The following FARP2 variants were observed in gnomAD, a reference collection of about 807,000 sequenced individuals.
FARP2 encodes the protein FERM, ARH/RhoGEF and pleckstrin domain protein 2.
Under a neutral mutation model 130.5 loss-of-function variants are expected in FARP2, and 111 were observed. The ratio of observed to expected loss-of-function variants is 0.85; its 90% CI spans 0.73 to 1.00. The LOEUF is 1.00. Among genes scored for constraint, FARP2 ranks in the 50% least tolerant of loss-of-function variants. The pLI is 0.00. For synonymous variants in FARP2, 504 were observed against 516.9 expected (o/e 0.98, Z 0.34); for missense variants, 1,385 against 1,346.3 (o/e 1.03, Z -0.45).
chr2:241,364,492 G>A (rs537812202), intron 1 of FARP2, among the ~76,000 whole-genome samples: 29 of 152,328 alleles, frequency 1.9e-4, no homozygotes, highest in African/African-American at 5.3e-4. Context: ...ATAAAAGGCT[G>A]TTATTTTAAG....
intron 17 of FARP2, chr2:241,465,894 GA>G: frequency 6.9e-7 from 1 of 1,452,978 alleles, no homozygotes; most frequent in Non-Finnish European, 9.1e-7. Context: ...CCCACTTGAA[GA>G]ACTGCATTCA....
chr2:241,478,801 G>T, intron 19 of FARP2: 1 of 405,324 alleles, frequency 2.5e-6, no homozygotes, highest in Non-Finnish European at 4.9e-6. Context: ...TCACACAGGT[G>T]GTGTCCACCA....
chr2:241,469,204 A>G (rs2064248881), intron 18 of FARP2, among the ~76,000 whole-genome samples: 1 of 151,764 alleles, frequency 6.6e-6, no homozygotes, highest in African/African-American at 2.4e-5. Flanking sequence ...CTCCTGCCTC[A>G]GCCTCCCAAG....
chr2:241,404,640 T>C (rs2062283139), intron 3 of FARP2, among the ~76,000 whole-genome samples, 159 bp from the exon 4 acceptor site: 1 of 152,208 alleles, frequency 6.6e-6, no homozygotes, highest in African/African-American at 2.4e-5. Context: ...TCTTGTACAG[T>C]TTGTTTTATC....
chr2:241,436,518 A>G lies in FARP2; in HGVS notation c.1138A>G (p.Thr380Ala), dbSNP rs1200221150. Residue 380 changes from threonine (T) to alanine (A), a missense_variant, in exon 12 of 27, where the codon ACT becomes GCT. By Grantham distance (58) the Thr-to-Ala change is moderately conservative. Transcript: ENST00000264042. ...SKTHTSVRALTADLPKQSISF... is the reference protein window; with the variant it reads ...SKTHTSVRALAADLPKQSISF... ...GACCCACACGTCCGTTCGAGCTCTG[A>G]CTGCAGACCTACCAAAACAGGTTAG... is the stretch of plus-strand genomic sequence containing the variant. The G allele has an allele frequency of 1.2e-6, 2 of 1,614,102 alleles. No individual in the cohort carries two copies. Among genetic ancestry groups the G allele is most frequent in the Non-Finnish European group, 1.7e-6 (2 of 1,180,034 alleles).
chr2:241,392,285 G>C (rs2061925309), intron 2 of FARP2, among the ~76,000 whole-genome samples: 1 of 152,192 alleles, frequency 6.6e-6, no homozygotes, highest in African/African-American at 2.4e-5. Flanking sequence ...TCTCCCCAGA[G>C]CCCTCTACTG....
At position 241,459,281 on chromosome 2, in the gene FARP2, G is replaced by A. The variant is rs150334111; in HGVS notation, c.1587+2359G>A. On this transcript the variant is annotated intron_variant, in intron 14 of 26. Transcript: ENST00000264042. This position sits in a 1 kb window ranked among gnomAD's most constrained non-coding sequence, Gnocchi z 5.3. Reference sequence around the variant, plus strand: ...CTGCAACAGGTTCTGGGGAGACCCCGGCCCCACATTCACTGACGGTTCTGC... The same window carrying A: ...CTGCAACAGGTTCTGGGGAGACCCCAGCCCCACATTCACTGACGGTTCTGC... Among the ~76,000 whole-genome samples, 5 of 152,310 alleles carry A rather than the reference G, an allele frequency of 3.3e-5. No individual in the cohort carries two copies. The highest frequency in any genetic ancestry group is 3.4e-3 in the Middle Eastern group (1 of 294).
At chr2:241,403,144 T>A (rs971372518) in intron 2 of FARP2, among the ~76,000 whole-genome samples, 3 of 151,676 alleles carry the variant, frequency 2.0e-5, no homozygotes, top group African/African-American at 7.3e-5. Flanking sequence ...AATTTCCGAT[T>A]GACCAAATAA....
chr2:241,470,883 G>C (rs774013225), intron 18 of FARP2, among the ~76,000 whole-genome samples: 1 of 151,142 alleles, frequency 6.6e-6, no homozygotes, highest in African/African-American at 2.4e-5. Flanking sequence ...GCAGGGGGAT[G>C]CTCTGAGAGG....
chr2:241,448,116 C>T (rs1220360096), intron 13 of FARP2, among the ~76,000 whole-genome samples: 1 of 152,192 alleles, frequency 6.6e-6, no homozygotes, highest in African/African-American at 2.4e-5. Context: ...CATGGGTCTC[C>T]TCAGAGCCCA....
At chr2:241,440,552 C>T (rs2063355985) in intron 12 of FARP2, among the ~76,000 whole-genome samples, 1 of 152,152 alleles carries the variant, frequency 6.6e-6, no homozygotes, top group South Asian at 2.1e-4. Flanking sequence ...CCCCAGGTCT[C>T]TTGTGCCACT....
At chr2:241,412,969 A>G (rs1246339178) in intron 6 of FARP2, among the ~76,000 whole-genome samples, 1 of 152,184 alleles carries the variant, frequency 6.6e-6, no homozygotes, top group East Asian at 1.9e-4. Context: ...TTGAGGCTGC[A>G]GTGAGTAGTG....
Position 241,373,147 on chromosome 2 carries a change from G to A in FARP2, c.40G>A (p.Ala14Thr). The part of the protein sequence containing the change: ...IEGTYRVLQT[A>T]GMRLGAQTPV... ...AGGAACATACAGAGTCCTGCAGACT[G>A]CAGGGATGCGCTTGGGTGCCCAGAC... The change falls in exon 2 of 27, where the codon GCA (alanine) becomes ACA (threonine). Residue 14 changes from alanine (A) to threonine (T), a missense_variant. Ala to Thr is a moderately conservative substitution (Grantham distance 58). Coordinates refer to ENST00000264042, the MANE Select transcript of FARP2 (RefSeq NM_014808.4). 1 of 1,534,682 alleles carries A rather than the reference G, an allele frequency of 6.5e-7. No homozygotes were observed. Among genetic ancestry groups the A allele is most frequent in the Non-Finnish European group, 8.8e-7 (1 of 1,131,258 alleles).
chr2:241,484,489 T>C (rs954684896), intron 21 of FARP2, among the ~76,000 whole-genome samples, 158 bp downstream of exon 21: 38 of 152,198 alleles, frequency 2.5e-4, no homozygotes, highest in Non-Finnish European at 2.9e-5. Context: ...GGGCATTTCT[T>C]GTTGGTTGTT....
chr2:241,493,597 GTT>G lies in FARP2; in HGVS notation c.3047+166_3047+167del, dbSNP rs11320829. ...CATTTCCAAAAAACAGCAATGCTTT[GTT>G]TTTTTTTTTTTTGGAGATGGCGTCT... is the stretch of plus-strand genomic sequence containing the variant. On this transcript the variant is annotated intron_variant, in intron 26 of 26. Transcript: ENST00000264042. The G allele has an allele frequency of 9.3e-3, 5,141 of 555,378 alleles. 1 individual carries two copies. Among genetic ancestry groups the G allele is most frequent in the Non-Finnish European group, 0.011 (3,635 of 317,270 alleles). The allele number at this position is 555,378 out of a possible 1,614,324, so 34.4% of individuals were successfully genotyped here. A position where few individuals can be genotyped will look rare whatever the true frequency, so the allele number is the denominator to read the frequency against.
chr2:241,403,223 C>CT (rs902879117), intron 2 of FARP2, among the ~76,000 whole-genome samples: 11 of 150,434 alleles, frequency 7.3e-5, no homozygotes, highest in Admixed American at 2.0e-4. Context: ...ATTAAAATTA[C>CT]TTTTTTTTTG....
chr2:241,399,454 G>A (rs560710080), intron 2 of FARP2, among the ~76,000 whole-genome samples: 66 of 152,214 alleles, frequency 4.3e-4, no homozygotes, highest in Non-Finnish European at 5.7e-4. Flanking sequence ...ACAGGCACAC[G>A]CCGCCACACC....
chr2:241,395,104 C>G (rs970309907), intron 2 of FARP2, among the ~76,000 whole-genome samples: 1 of 152,172 alleles, frequency 6.6e-6, no homozygotes, highest in Non-Finnish European at 1.5e-5. Context: ...TTGAGGAAGC[C>G]GAGCCTAAGC....
At chr2:241,454,611 G>A (rs2063783092) in intron 13 of FARP2, among the ~76,000 whole-genome samples, 1 of 152,224 alleles carries the variant, frequency 6.6e-6, no homozygotes, top group African/African-American at 2.4e-5. Context: ...CAAAGCCACA[G>A]TTCCACTTTG....
Sources: gnomAD v4.1 joint callset for allele counts (sites outside exome capture counted in the v4.1 genomes callset) on GRCh38, gnomAD v4.1.1 for gene constraint, Gnocchi (gnomAD v3.1) non-coding constraint, MANE v1.5 for transcripts, NCBI Gene and HGNC (gene_info 2026-07-23, HGNC 2026-07-21) for gene names.